Variants in PTPRT observed in about 807,000 individuals in gnomAD.
PTPRT encodes receptor-type tyrosine-protein phosphatase T.
A neutral mutation model predicts 176.8 loss-of-function variants in PTPRT; 56 were observed. The ratio of observed to expected loss-of-function variants is 0.32; its 90% confidence interval spans 0.26 to 0.40. PTPRT has a LOEUF of 0.40. Among genes scored for constraint, PTPRT ranks in the 10% least tolerant of loss-of-function variants. The probability of loss-of-function intolerance (pLI) is 1.00; values close to 1 mark genes in which losing one functional copy is unlikely to be tolerated. For missense variants in PTPRT, 1,540 were observed against 1,908.2 expected (o/e 0.81, Z 3.60); for synonymous variants, 783 against 739.0 (o/e 1.06, Z -0.96).
intron 1 of PTPRT, among the ~76,000 whole-genome samples, chr20:42,922,184 T>C (rs901524918): frequency 2.0e-5 from 3 of 152,154 alleles, no homozygotes; most frequent in African/African-American, 7.2e-5. Context: ...TCCACCCACC[T>C]TGGCCTCCCA....
chr20:42,188,371 G>A (rs1990863583), intron 16 of PTPRT, among the ~76,000 whole-genome samples: 1 of 152,040 alleles, frequency 6.6e-6, no homozygotes, highest in South Asian at 2.1e-4. Context: ...AGAAGGAGGG[G>A]CTGCGTGATA....
At chr20:42,758,264 A>C (rs1196621191) in intron 5 of PTPRT, among the ~76,000 whole-genome samples, 1 of 152,208 alleles carries the variant, frequency 6.6e-6, no homozygotes, top group Non-Finnish European at 1.5e-5. Flanking sequence ...TGCACCAAGT[A>C]AACAGTTTCC....
intron 7 of PTPRT, among the ~76,000 whole-genome samples, chr20:42,605,786 C>G (rs117574294): frequency 1.3e-5 from 2 of 152,186 alleles, no homozygotes; most frequent in African/African-American, 4.8e-5. Context: ...AGCCTCCTAC[C>G]TCAGTCCACC....
intron 9 of PTPRT, among the ~76,000 whole-genome samples, chr20:42,363,104 A>AG (rs1367693284): frequency 2.3e-5 from 2 of 88,386 alleles, no homozygotes; most frequent in East Asian, 7.5e-4. Context: ...ACTCCATTTC[A>AG]GAAAAAAAAA....
chr20:42,470,968 G>A (rs1393974443), intron 8 of PTPRT, among the ~76,000 whole-genome samples: 1 of 152,024 alleles, frequency 6.6e-6, no homozygotes, highest in African/African-American at 2.4e-5. Context: ...CTCCTAGGCT[G>A]GCTTTCAGGT....
intron 7 of PTPRT, among the ~76,000 whole-genome samples, chr20:42,597,124 C>T (rs547457228): frequency 2.9e-4 from 44 of 152,272 alleles, no homozygotes; most frequent in African/African-American, 9.4e-4. Flanking sequence ...TCCAAGCGCA[C>T]ATAATTATTG....
intron 7 of PTPRT, among the ~76,000 whole-genome samples, chr20:42,490,407 T>G (rs1314269310): frequency 6.6e-6 from 1 of 152,124 alleles, no homozygotes; most frequent in Non-Finnish European, 1.5e-5. Flanking sequence ...ACTCTCTTAT[T>G]AAAGTTTTCT....
rs148143038 is a variant in PTPRT, at chr20:42,303,424, C to T, written c.2139+12299G>A. 2.5e-3 allele frequency among the ~76,000 whole-genome samples: 386 copies of T among 152,192 alleles called. 2 individuals carry two copies. The highest frequency in any genetic ancestry group is 8.9e-3 in the African/African-American group (369 of 41,538). On this transcript the variant is annotated intron_variant, in intron 12 of 30. Transcript: ENST00000373187. ...TATGAGTGCATAAGGGATTTGGGAC[C>T]CTCCTGGTTCTAGTGCACCCATATT...
At chr20:42,640,034 TAA>T (rs1206736774) in intron 7 of PTPRT, among the ~76,000 whole-genome samples, 2 of 152,094 alleles carry the variant, frequency 1.3e-5, no homozygotes, top group African/African-American at 2.4e-5. Context: ...CCAAACATCA[TAA>T]AAGTGTTGTC....
At chr20:42,678,643 G>T (rs1191198341) in intron 6 of PTPRT, among the ~76,000 whole-genome samples, 1 of 152,132 alleles carries the variant, frequency 6.6e-6, no homozygotes, top group Non-Finnish European at 1.5e-5. Context: ...CTACTTTAAG[G>T]GTTTGCATGT....
chr20:43,122,814 T>C (rs1313588925), intron 1 of PTPRT, among the ~76,000 whole-genome samples: 20 of 152,212 alleles, frequency 1.3e-4, no homozygotes, highest in Non-Finnish European at 2.1e-4. Context: ...CTCTTTTCTT[T>C]ATACATTACA....
At chr20:42,316,590 T>C (rs1478778666) in intron 11 of PTPRT, among the ~76,000 whole-genome samples, 3 of 152,220 alleles carry the variant, frequency 2.0e-5, no homozygotes, top group African/African-American at 4.8e-5. Flanking sequence ...GGCCTTCCAT[T>C]GTCCAAATTA....
rs2425527 is a variant in PTPRT, at chr20:42,689,436, G to A, written c.860-11277C>T. On this transcript the variant is annotated intron_variant, in intron 6 of 30. Transcript: ENST00000373187. ...CCATCTCACTGAGAGCCACCTCCAC[G>A]GATAAAACCTCGCACTCATCCTTTG... Among the ~76,000 whole-genome samples the A allele has an allele frequency of 2.9e-3, 435 of 152,082 alleles. 2 individuals carry two copies. Among genetic ancestry groups the A allele is most frequent in the African/African-American group, 9.8e-3 (407 of 41,452 alleles).
At chr20:42,423,178 T>TAAAAAAAAAAA (rs34775268) in intron 9 of PTPRT, among the ~76,000 whole-genome samples, 1 of 88,112 alleles carries the variant, frequency 1.1e-5, no homozygotes, top group African/African-American at 4.4e-5. Flanking sequence ...ACCTTAAAAG[T>TAAAAAAAAAAA]AAAAAAAAAA....
intron 1 of PTPRT, among the ~76,000 whole-genome samples, chr20:43,048,882 C>T (rs546159161): frequency 2.1e-4 from 32 of 152,124 alleles, no homozygotes; most frequent in African/African-American, 6.5e-4. Flanking sequence ...GTGACCCTCA[C>T]GAAGACACCT....
intron 1 of PTPRT, among the ~76,000 whole-genome samples, chr20:42,985,491 T>C (rs6130273): frequency 0.67 from 101,095 of 151,764 alleles, 33,804 homozygotes; most frequent in South Asian, 0.79. Context: ...GAGACTCCGT[T>C]GCTAAATAAA....
At chr20:42,107,601 GATCAGTGCTGGGCTCTGAAAC>G (rs1004876249) in intron 23 of PTPRT, among the ~76,000 whole-genome samples, 1 of 152,346 alleles carries the variant, frequency 6.6e-6, no homozygotes, top group African/African-American at 2.4e-5. Context: ...GCCCTTTCTA[GATCAGTGCTGGGCTCTGAAAC>G]ATCAGTGCTG....
At chr20:42,748,607 C>T (rs2076724205) in intron 6 of PTPRT, among the ~76,000 whole-genome samples, 1 of 152,168 alleles carries the variant, frequency 6.6e-6, no homozygotes, top group Admixed American at 6.5e-5. Flanking sequence ...CGTCCCACCG[C>T]CACCTCAGGA....
At chr20:42,575,883 G>A (rs1448688431) in intron 7 of PTPRT, among the ~76,000 whole-genome samples, 3 of 151,906 alleles carry the variant, frequency 2.0e-5, no homozygotes, top group Non-Finnish European at 2.9e-5. Flanking sequence ...CTCCCTCCCC[G>A]CCTGCCTCCT....
Sources: allele counts gnomAD v4.1 joint callset (sites outside exome capture counted in the v4.1 genomes callset), GRCh38; gene constraint gnomAD v4.1.1; transcripts MANE v1.5; gene names NCBI Gene and HGNC (gene_info 2026-07-23, HGNC 2026-07-21).